The following KIDINS220 variants were observed in gnomAD, a reference collection of about 807,000 sequenced individuals.
The protein encoded by KIDINS220 is kinase D interacting substrate 220, also known as kinase D-interacting substrate of 220 kDa.
In KIDINS220, 63 loss-of-function variants were observed where a neutral mutation model predicts 157.6. The observed-to-expected ratio is 0.40, with a 90% CI of 0.33 to 0.49. The LOEUF is 0.49. Ranked by LOEUF, KIDINS220 falls within the 20% of genes least tolerant of loss-of-function variation. The pLI, the probability that KIDINS220 is intolerant of heterozygous loss-of-function variation, is 0.66. For synonymous variants in KIDINS220, 732 were observed against 783.6 expected, an observed-to-expected ratio of 0.93 and a Z score of 1.10; for missense variants, 1,772 against 2,171.2, an observed-to-expected ratio of 0.82 and a Z score of 3.65.
At chr2:8,826,884 T>A in intron 2 of KIDINS220, 102 bp downstream of exon 2, 1 of 582,106 alleles carries the variant, frequency 1.7e-6, no homozygotes, top group Non-Finnish European at 3.1e-6. Flanking sequence ...GCAGTATTAC[T>A]AAGGGTTAGA....
At chr2:8,795,453 G>A (rs576327955) in intron 11 of KIDINS220, among the ~76,000 whole-genome samples, 8 of 152,286 alleles carry the variant, frequency 5.3e-5, no homozygotes, top group South Asian at 2.1e-4. Context: ...GAGCAGTGAC[G>A]GGCAAGGTAA....
Position 8,817,628 on chromosome 2 carries a change from T to C in KIDINS220, c.296A>G (p.His99Arg). ...ELLKCGVNLE[H>R]RDMGGWTALM... ...TAAAAATGTCCATACCATATCACGGTGCTCCAAGTTAACCCCACATTTCAG... is the reference window on the plus strand; with the variant it reads ...TAAAAATGTCCATACCATATCACGGCGCTCCAAGTTAACCCCACATTTCAG... The change falls in exon 4 of 30, where the codon CAC becomes CGC. Residue 99 changes from histidine to arginine, a missense_variant. His to Arg is a conservative substitution (Grantham distance 29). This residue lies in a region of KIDINS220 where 254 missense variants were observed against 268.6 expected (regional missense o/e 0.95). Coordinates refer to ENST00000256707, the MANE Select transcript of KIDINS220 (RefSeq NM_020738.4). 6.3e-7 allele frequency: 1 copy of C among 1,597,672 alleles called. No individual in the cohort carries two copies. The highest frequency in any genetic ancestry group is 2.2e-5 in the East Asian group (1 of 44,610).
intron 4 of KIDINS220, among the ~76,000 whole-genome samples, chr2:8,817,373 T>C (rs933515432): frequency 1.3e-5 from 2 of 152,200 alleles, no homozygotes; most frequent in Non-Finnish European, 1.5e-5. Flanking sequence ...TAATGAGTTA[T>C]TTGTAACAAT....
intron 10 of KIDINS220, among the ~76,000 whole-genome samples, chr2:8,797,181 G>A (rs1304359630): frequency 2.0e-5 from 3 of 152,106 alleles, no homozygotes; most frequent in South Asian, 2.1e-4. Flanking sequence ...CCCTCCAGAG[G>A]CTACTTCCCG....
chr2:8,760,866 A>T (rs1238263294), intron 22 of KIDINS220, among the ~76,000 whole-genome samples: 1 of 152,140 alleles, frequency 6.6e-6, no homozygotes, highest in Non-Finnish European at 1.5e-5. Context: ...ATAGTGTATT[A>T]CTGCATGATA....
rs563784621 is a variant in KIDINS220, at chr2:8,757,778, T to C, written c.3012-6134A>G. ...TTCGGTCTCGGTCACAACTGTCTGCTCCACAGCATCTGTGTTTGAATAATA... is the reference window on the plus strand; with the variant it reads ...TTCGGTCTCGGTCACAACTGTCTGCCCCACAGCATCTGTGTTTGAATAATA... On this transcript the variant is annotated intron_variant, in intron 22 of 29. Transcript: ENST00000256707. The C allele has an allele frequency of 6.9e-4, 1,106 of 1,610,208 alleles. No individual in the cohort carries two copies. Among genetic ancestry groups the C allele is most frequent in the Non-Finnish European group, 8.6e-4 (1,020 of 1,179,374 alleles).
At chr2:8,781,159 T>TAATATATATATATAC (rs373286654) in intron 17 of KIDINS220, among the ~76,000 whole-genome samples, 1 of 133,248 alleles carries the variant, frequency 7.5e-6, no homozygotes. Flanking sequence ...ATATAATATA[T>TAATATATATATATAC]ATATATTAAA....
At chr2:8,726,415 A>G (rs925518134), downstream of KIDINS220, among the ~76,000 whole-genome samples, 1 of 152,248 alleles carries the variant, frequency 6.6e-6, no homozygotes, top group African/African-American at 2.4e-5. Context: ...GTCGGTGACA[A>G]TATTTAATTT....
chr2:8,835,723 C>T (rs141521184), intron 1 of KIDINS220, among the ~76,000 whole-genome samples: 1 of 151,310 alleles, frequency 6.6e-6, no homozygotes, highest in East Asian at 1.9e-4. Flanking sequence ...TACCTGGGAT[C>T]CTGACTTCTT....
chr2:8,738,549 C>T (rs1379145363), intron 26 of KIDINS220, among the ~76,000 whole-genome samples: 2 of 152,178 alleles, frequency 1.3e-5, no homozygotes, highest in African/African-American at 4.8e-5. Context: ...AAGGGCATAG[C>T]ATCACTCCTG....
At chr2:8,778,447 G>A (rs141486588) in intron 20 of KIDINS220, among the ~76,000 whole-genome samples, 192 bp downstream of exon 20, 204 of 152,296 alleles carry the variant, frequency 1.3e-3, no homozygotes, top group South Asian at 2.7e-3. Context: ...ACCCCTATAC[G>A]AAGTACAGTT....
In KIDINS220 at chr2:8,731,401, G is replaced by T; in HGVS notation, c.4635C>A (p.Ala1545=). The change falls in exon 30 of 30, where the codon GCC becomes GCA. Residue 1545 remains alanine (A), a synonymous_variant. Coordinates refer to ENST00000256707, the MANE Select transcript of KIDINS220 (RefSeq NM_020738.4). This position sits in a 1 kb window ranked among gnomAD's most constrained non-coding sequence, Gnocchi z 5.2. ...PLLKDDKDRK[A]EGKVERVPKS... ...TCGGCACTCTCTCTACTTTCCCTTCGGCTTTTCTGTCTTTGTCATCTTTGA... is the reference window on the plus strand; with the variant it reads ...TCGGCACTCTCTCTACTTTCCCTTCTGCTTTTCTGTCTTTGTCATCTTTGA... 6.2e-7 allele frequency: 1 copy of T among 1,614,056 alleles called. No homozygotes were observed. Among genetic ancestry groups the T allele is most frequent in the Non-Finnish European group, 8.5e-7 (1 of 1,180,012 alleles).
At position 8,730,095 on chromosome 2, in the gene KIDINS220, C is replaced by T; in HGVS notation, c.*625G>A. 1.0e-6 allele frequency: 1 copy of T among 985,778 alleles called. No homozygotes were observed. Among genetic ancestry groups the T allele is most frequent in the Non-Finnish European group, 1.2e-6 (1 of 830,224 alleles). 61.1% of individuals were successfully genotyped at this position (985,778 alleles called of 1,614,324 possible). A position where few individuals can be genotyped will look rare whatever the true frequency, so the allele number is the denominator to read the frequency against. On this transcript the variant is annotated 3_prime_UTR_variant, in exon 30 of 30. Coordinates refer to ENST00000256707, the MANE Select transcript of KIDINS220 (RefSeq NM_020738.4). ...TACTCTCCTAACAGCTCAGGACAGCCCCGTCACACTACTGCCAGCCCTGGT... is the reference window on the plus strand; with the variant it reads ...TACTCTCCTAACAGCTCAGGACAGCTCCGTCACACTACTGCCAGCCCTGGT...
chr2:8,824,555 C>T (rs1282234578), intron 2 of KIDINS220, among the ~76,000 whole-genome samples: 1 of 151,982 alleles, frequency 6.6e-6, no homozygotes, highest in East Asian at 1.9e-4. Flanking sequence ...GTGGTGCACA[C>T]CTGTGTCCTA....
chr2:8,797,066 C>T (rs769332629), intron 10 of KIDINS220, among the ~76,000 whole-genome samples, 197 bp from the exon 11 acceptor site: 14 of 152,200 alleles, frequency 9.2e-5, no homozygotes, highest in Non-Finnish European at 1.6e-4. Context: ...GACTGTAAAT[C>T]ACGTAGCCAG....
In KIDINS220 at chr2:8,731,708, G is replaced by A. The variant is rs1306418726; in HGVS notation, c.4328C>T (p.Pro1443Leu). The change falls in exon 30 of 30, where the codon CCC (proline) becomes CTC (leucine). Residue 1443 changes from proline (P) to leucine (L), a missense_variant. Physicochemically the swap from Pro to Leu is moderately conservative, Grantham distance 98. Coordinates refer to ENST00000256707, the MANE Select transcript of KIDINS220 (RefSeq NM_020738.4). The surrounding 1 kb of genome is among the most constrained non-coding windows in gnomAD (Gnocchi z 5.2). ...QEKGKDSEPK[P>L]DDGRKSFLMK... ...TAGAAAGGACTTCCTCCCATCATCG[G>A]GCTTTGGTTCACTATCCTTCCCCTT... The A allele has an allele frequency of 6.2e-7, 1 of 1,614,116 alleles. No homozygotes were observed. Among genetic ancestry groups the A allele is most frequent in the Non-Finnish European group, 8.5e-7 (1 of 1,180,018 alleles).
At chr2:8,808,954 T>C (rs1675897805) in intron 6 of KIDINS220, among the ~76,000 whole-genome samples, 1 of 152,192 alleles carries the variant, frequency 6.6e-6, no homozygotes, top group South Asian at 2.1e-4. Context: ...AAAACCACCA[T>C]TTCAGAGGTC....
At chr2:8,743,482 G>T (rs891256327) in intron 26 of KIDINS220, among the ~76,000 whole-genome samples, 16 of 152,320 alleles carry the variant, frequency 1.1e-4, no homozygotes, top group African/African-American at 3.8e-4. Flanking sequence ...CCTGAGGCAG[G>T]TCTGCTTTTC....
chr2:8,765,444 G>T (rs1425400341), intron 22 of KIDINS220, among the ~76,000 whole-genome samples: 1 of 152,108 alleles, frequency 6.6e-6, no homozygotes, highest in Non-Finnish European at 1.5e-5. Context: ...GAAACAGGAA[G>T]GAAGGCAGTT....
Sources: gnomAD v4.1 joint callset for allele counts (sites outside exome capture counted in the v4.1 genomes callset) on GRCh38, gnomAD v4.1.1 for gene constraint, gnomAD v4.1.1 regional missense constraint, Gnocchi (gnomAD v3.1) non-coding constraint, MANE v1.5 for transcripts, NCBI Gene and HGNC (gene_info 2026-07-23, HGNC 2026-07-21) for gene names.